The following GPR143 variants were observed in gnomAD, a reference collection of about 807,000 sequenced individuals.
GPR143 encodes G-protein coupled receptor 143.
A neutral mutation model predicts 27.6 loss-of-function variants in GPR143; 8 were observed. The observed-to-expected ratio is 0.29, with a 90% confidence interval of 0.17 to 0.52. The LOEUF (loss-of-function observed/expected upper bound fraction) is 0.52, where lower values mean the gene tolerates loss of function less well. Among genes scored for constraint, GPR143 ranks in the 20% least tolerant of loss-of-function variants. The probability of loss-of-function intolerance (pLI) is 0.96; values close to 1 mark genes in which losing one functional copy is unlikely to be tolerated. For missense variants in GPR143, 303 were observed against 343.1 expected (o/e 0.88, Z 0.92); for synonymous variants, 156 against 153.2 (o/e 1.02, Z -0.13).
chrX:9,760,132 C>T (rs1230770415), intron 2 of GPR143, among the ~76,000 whole-genome samples: 1 of 112,124 alleles, frequency 8.9e-6, no homozygotes, highest in Non-Finnish European at 1.9e-5. Context: ...CACTCTGTCA[C>T]CCAGGCTGGA....
chrX:9,736,758 T>C (rs2083381114), intron 8 of GPR143, among the ~76,000 whole-genome samples: 1 of 112,510 alleles, frequency 8.9e-6, no homozygotes, highest in Non-Finnish European at 1.9e-5. Context: ...AAAATACCGA[T>C]TGTATTTCTC....
chrX:9,765,617 C>T lies in GPR143; in HGVS notation c.201G>A (p.Ser67=). The T allele has an allele frequency of 4.0e-6, 4 of 1,001,363 alleles. No homozygotes were observed. The highest frequency in any genetic ancestry group is 5.0e-6 in the Non-Finnish European group (4 of 794,721). 82.5% of individuals were successfully genotyped at this position (1,001,363 alleles called of 1,213,427 possible). A position where few individuals can be genotyped will look rare whatever the true frequency, so the allele number is the denominator to read the frequency against. ...CAGCGGCAGCGCGCAGGATGCGGAC[C>T]GAGGCCGGCGGGGACGTCGCGGGGG... ...PGSPATSPPA[S]VRILRAAAAC... is the part of the protein sequence containing the mutation. The change falls in exon 1 of 9, where the codon TCG becomes TCA. Residue 67 remains serine, a synonymous_variant. Coordinates refer to ENST00000467482, the MANE Select transcript of GPR143 (RefSeq NM_000273.3).
intron 8 of GPR143, among the ~76,000 whole-genome samples, chrX:9,727,796 C>G (rs1203353421): frequency 8.9e-6 from 1 of 112,198 alleles, no homozygotes; most frequent in Non-Finnish European, 1.9e-5. Flanking sequence ...CTCCAAAGCC[C>G]TCCACCCATG....
At position 9,725,597 on chromosome X, in the gene GPR143, C is replaced by G. The variant is rs749941339; in HGVS notation, c.*149G>C. 3 of 477,624 alleles carry G rather than the reference C, an allele frequency of 6.3e-6. No individual in the cohort carries two copies. The African/African-American group carries it at 7.2e-5, about 12-fold the overall frequency. The allele number at this position is 477,624 out of a possible 1,213,427, so 39.4% of individuals were successfully genotyped here. Reference sequence around the variant, plus strand: ...CCTTTCTCCTATCCTAAAGGCCCTTCGGGAAGAAGCTCTAGCTGGTGATGA... The same window carrying G: ...CCTTTCTCCTATCCTAAAGGCCCTTGGGGAAGAAGCTCTAGCTGGTGATGA... On this transcript the variant is annotated 3_prime_UTR_variant, in exon 9 of 9. Transcript: ENST00000467482.
intron 4 of GPR143, among the ~76,000 whole-genome samples, chrX:9,746,583 G>T (rs2083429422): frequency 9.0e-6 from 1 of 111,354 alleles, no homozygotes; most frequent in South Asian, 3.8e-4. Flanking sequence ...ATAAAATCTT[G>T]TCCCTGGGCT....
intron 8 of GPR143, among the ~76,000 whole-genome samples, chrX:9,727,612 G>C (rs1365137938): frequency 1.8e-5 from 2 of 112,940 alleles, no homozygotes; most frequent in Non-Finnish European, 3.7e-5. Flanking sequence ...GAATCTGTGA[G>C]ACCCTTTGGA....
intron 3 of GPR143, among the ~76,000 whole-genome samples, chrX:9,750,007 C>T (rs929544514): frequency 1.8e-5 from 2 of 112,538 alleles, no homozygotes; most frequent in Admixed American, 9.4e-5. Flanking sequence ...TTCAAGTGAT[C>T]CCCCTGCCTC....
upstream of GPR143, among the ~76,000 whole-genome samples, chrX:9,768,178 C>T (rs3806159): frequency 2.7e-5 from 3 of 111,818 alleles, no homozygotes; most frequent in East Asian, 8.4e-4. Context: ...GGTGCAGAAG[C>T]ATGAGTGTAA....
chrX:9,762,042 G>A (rs774342475), intron 1 of GPR143, among the ~76,000 whole-genome samples: 27 of 111,381 alleles, frequency 2.4e-4, no homozygotes, highest in African/African-American at 8.2e-4. Context: ...AGTCGAGATC[G>A]CACCACTGTA....
At chrX:9,772,638 C>T (rs1569127914) in intron 1 of GPR143, among the ~76,000 whole-genome samples, 2 of 108,478 alleles carry the variant, frequency 1.8e-5, no homozygotes, top group Non-Finnish European at 3.8e-5. Context: ...ATAGTGAGAC[C>T]TCATCTCTAC....
At position 9,732,760 on chromosome X, in the gene GPR143, G is replaced by A. The variant is rs377284786; in HGVS notation, c.1120+6725C>T. On this transcript the variant is annotated intron_variant, in intron 8 of 8. Transcript: ENST00000467482. Reference sequence around the variant, plus strand: ...CACCTGTAGTCCCAGCTACTCCGGAGGCTGAGGCACAAGAATCACTTGAGC... The same window carrying A: ...CACCTGTAGTCCCAGCTACTCCGGAAGCTGAGGCACAAGAATCACTTGAGC... 4.6e-5 allele frequency among the ~76,000 whole-genome samples: 5 copies of A among 108,283 alleles called. No individual in the cohort carries two copies. The East Asian group carries it at 1.4e-3, about 31-fold the overall frequency. 94.0% of individuals were successfully genotyped at this position (108,283 alleles called of 115,157 possible). A position where few individuals can be genotyped will look rare whatever the true frequency, so the allele number is the denominator to read the frequency against.
At chrX:9,755,446 CA>C (rs1220058923) in intron 3 of GPR143, among the ~76,000 whole-genome samples, 1 of 85,260 alleles carries the variant, frequency 1.2e-5, no homozygotes. Context: ...AACTCCATCT[CA>C]AAAAAAAGAA....
chrX:9,728,545 G>A (rs1173303671), intron 8 of GPR143, among the ~76,000 whole-genome samples: 13 of 102,120 alleles, frequency 1.3e-4, no homozygotes, highest in Admixed American at 5.4e-4. Flanking sequence ...GGCTGGGCAC[G>A]ATGGCTCCAG....
At chrX:9,728,410 AAAATT>A (rs1190472417) in intron 8 of GPR143, among the ~76,000 whole-genome samples, 7 of 108,260 alleles carry the variant, frequency 6.5e-5, no homozygotes, top group Non-Finnish European at 9.5e-5. Context: ...AAAAAAAAAA[AAAATT>A]AGAGTTATAT....
Position 9,760,768 on chromosome X carries a change from C to T in GPR143, c.309G>A (p.Ser103=), listed in dbSNP as rs770611660. ...LGFPNFVDSV[S]DMNHTEIWPA... is the part of the protein sequence containing the mutation. ...GCCAAATTTCCGTGTGGTTCATATCCGAGACGCTGTCAACAAAATTTGGGA... is the reference window on the plus strand; with the variant it reads ...GCCAAATTTCCGTGTGGTTCATATCTGAGACGCTGTCAACAAAATTTGGGA... Residue 103 remains serine (S), a synonymous_variant, in exon 2 of 9, where the codon TCG becomes TCA. Transcript: ENST00000467482. 36 of 1,197,722 alleles carry T rather than the reference C, an allele frequency of 3.0e-5. No individual in the cohort carries two copies. The highest frequency in any genetic ancestry group is 2.3e-4 in the Middle Eastern group (1 of 4,343).
At chrX:9,741,675 C>T (rs779894894) in intron 6 of GPR143, among the ~76,000 whole-genome samples, 1 of 111,254 alleles carries the variant, frequency 9.0e-6, no homozygotes, top group African/African-American at 3.3e-5. Flanking sequence ...TTGCTTGAGC[C>T]CAGGAGTCTG....
Position 9,765,653 on chromosome X carries a change from C to G in GPR143, c.165G>C (p.Ala55=). The stretch of plus-strand genomic sequence containing the variant: ...GGGACGTCGCGGGGGACCCGGGGCC[C>G]GCGGGCCGGCGGCCGGGCAGCAGCT... The part of the protein sequence containing the change: ...LLQLLPGRRP[A]GPGSPATSPP... The change falls in exon 1 of 9, where the codon GCG becomes GCC. Residue 55 remains alanine, a synonymous_variant. Coordinates refer to ENST00000467482, the MANE Select transcript of GPR143 (RefSeq NM_000273.3). The G allele has an allele frequency of 1.0e-6, 1 of 986,089 alleles. No individual in the cohort carries two copies. The highest frequency in any genetic ancestry group is 1.3e-6 in the Non-Finnish European group (1 of 787,386). The allele number at this position is 986,089 out of a possible 1,213,427, so 81.3% of individuals were successfully genotyped here.
chrX:9,744,176 A>G (rs1400561569), intron 5 of GPR143, among the ~76,000 whole-genome samples: 1 of 109,701 alleles, frequency 9.1e-6, no homozygotes, highest in Non-Finnish European at 1.9e-5. Context: ...GTCTTTACTA[A>G]AAATACAAAA....
At chrX:9,762,827 C>T (rs1038321003) in intron 1 of GPR143, among the ~76,000 whole-genome samples, 1 of 111,620 alleles carries the variant, frequency 9.0e-6, no homozygotes. Context: ...TAAGGGGTCC[C>T]GATCACCCAG....
Sources: gnomAD v4.1 joint callset for allele counts (sites outside exome capture counted in the v4.1 genomes callset) on GRCh38, gnomAD v4.1.1 for gene constraint, MANE v1.5 for transcripts, NCBI Gene and HGNC (gene_info 2026-07-23, HGNC 2026-07-21) for gene names.